CYP39A1: variants seen among roughly 807,000 people sequenced by gnomAD.
The protein encoded by CYP39A1 is cytochrome P450 family 39 subfamily A member 1.
In CYP39A1, 49 loss-of-function variants were observed where a neutral mutation model predicts 58.1. That is an observed-to-expected ratio of 0.84 (90% CI 0.67 to 1.07). CYP39A1 has a LOEUF of 1.07. CYP39A1 is among the 50% of genes least tolerant of loss of function. The probability of loss-of-function intolerance (pLI) is 0.00; values close to 1 mark genes in which losing one functional copy is unlikely to be tolerated. For missense variants in CYP39A1, 531 were observed against 539.4 expected, an observed-to-expected ratio of 0.98 and a Z score of 0.16; for synonymous variants, 209 against 187.6, an observed-to-expected ratio of 1.11 and a Z score of -0.93.
At chr6:46,582,715 C>T (rs1772206492) in intron 10 of CYP39A1, among the ~76,000 whole-genome samples, 1 of 151,438 alleles carries the variant, frequency 6.6e-6, no homozygotes, top group Admixed American at 6.6e-5. Flanking sequence ...GGCTATGTCT[C>T]ATTTCCCCAA....
intron 10 of CYP39A1, among the ~76,000 whole-genome samples, chr6:46,566,791 T>A (rs940290304): frequency 1.3e-5 from 2 of 151,760 alleles, no homozygotes; most frequent in African/African-American, 4.8e-5. Context: ...AAAATATAAA[T>A]AAATAAGAAT....
intron 10 of CYP39A1, among the ~76,000 whole-genome samples, chr6:46,561,231 A>G (rs1313784934): frequency 1.3e-5 from 2 of 152,098 alleles, no homozygotes; most frequent in African/African-American, 4.8e-5. Flanking sequence ...TCCTTGCTTT[A>G]TTCAAATAAA....
chr6:46,603,817 C>T (rs748998848), intron 7 of CYP39A1, among the ~76,000 whole-genome samples: 14 of 152,152 alleles, frequency 9.2e-5, no homozygotes, highest in Non-Finnish European at 1.6e-4. Context: ...AAAGTTTGCC[C>T]CTGCCTAGGG....
intron 7 of CYP39A1, among the ~76,000 whole-genome samples, chr6:46,607,163 G>A (rs975590218): frequency 6.6e-6 from 1 of 152,004 alleles, no homozygotes; most frequent in African/African-American, 2.4e-5. Flanking sequence ...GAAACACACG[G>A]CCACTGCCTT....
intron 5 of CYP39A1, among the ~76,000 whole-genome samples, chr6:46,635,542 G>GTGTT (rs368397169): frequency 0.012 from 1,766 of 152,162 alleles, 20 homozygotes; most frequent in African/African-American, 0.021. Context: ...TACCTCAGAG[G>GTGTT]TGTTTGTTTG....
At position 46,624,934 on chromosome 6, in the gene CYP39A1, TCTTTTTGTTTACTTG is replaced by T. The variant is rs530993005; in HGVS notation, c.931+469_931+483del. The stretch of plus-strand genomic sequence containing the variant: ...TAACAACCATAAGGGTTTTTTTATT[TCTTTTTGTTTACTTG>T]TTTTTTGTTTGTTGTCTTTTAATAA... On this transcript the variant is annotated intron_variant, in intron 7 of 11. Transcript: ENST00000275016. Among the ~76,000 whole-genome samples, 110 of 152,304 alleles carry T rather than the reference TCTTTTTGTTTACTTG, an allele frequency of 7.2e-4. 1 individual carries two copies. In the South Asian group the frequency reaches 0.022, roughly 30 times the overall value.
At chr6:46,635,417 C>T (rs1775923700) in intron 5 of CYP39A1, among the ~76,000 whole-genome samples, 1 of 152,162 alleles carries the variant, frequency 6.6e-6, no homozygotes, top group Non-Finnish European at 1.5e-5. Context: ...TGGGCAGACC[C>T]TGGCCTCAGA....
intron 7 of CYP39A1, among the ~76,000 whole-genome samples, chr6:46,613,420 A>G (rs1774333668): frequency 6.6e-6 from 1 of 152,216 alleles, no homozygotes; most frequent in African/African-American, 2.4e-5. Context: ...TAACTCTCTA[A>G]TCCAATGAAA....
At chr6:46,603,550 A>T (rs1284064238) in intron 7 of CYP39A1, among the ~76,000 whole-genome samples, 1 of 152,128 alleles carries the variant, frequency 6.6e-6, no homozygotes, top group Non-Finnish European at 1.5e-5. Flanking sequence ...TCCTCCTTTG[A>T]ACATGGAAGT....
rs1292049474 is a variant in CYP39A1, at chr6:46,587,168, G to A, written c.1162-3C>T. 7 of 1,598,058 alleles carry A rather than the reference G, an allele frequency of 4.4e-6. No individual in the cohort carries two copies. The South Asian group carries it at 5.6e-5, about 13-fold the overall frequency. On this transcript the variant is annotated splice_polypyrimidine_tract_variant and splice_region_variant and intron_variant, in intron 9 of 11. Coordinates refer to ENST00000275016, the MANE Select transcript of CYP39A1 (RefSeq NM_016593.5). The stretch of plus-strand genomic sequence containing the variant: ...AAATTTGCCTTTTTCCAACGTTCCT[G>A]TGGGAAGAAAACATTTTTTTTTCCA...
intron 8 of CYP39A1, among the ~76,000 whole-genome samples, chr6:46,593,380 C>T (rs910513713): frequency 1.3e-5 from 2 of 151,932 alleles, no homozygotes; most frequent in African/African-American, 2.4e-5. Context: ...ATAATCCTGA[C>T]TAATACATGA....
chr6:46,584,706 C>T (rs1000630829), intron 10 of CYP39A1, among the ~76,000 whole-genome samples: 6 of 152,094 alleles, frequency 3.9e-5, no homozygotes, highest in Non-Finnish European at 8.8e-5. Flanking sequence ...AATCTGGTCC[C>T]AGTAACAGTA....
Position 46,569,477 on chromosome 6 carries a change from A to T in CYP39A1, c.1251-15623T>A, listed in dbSNP as rs141480521. On this transcript the variant is annotated intron_variant, in intron 10 of 11. Transcript: ENST00000275016. ...TCATAGAGAAAAGTTTCTAATCTTT[A>T]ACCATTGAGTATGATGTTAGCTGTG... 6.5e-4 allele frequency among the ~76,000 whole-genome samples: 99 copies of T among 152,176 alleles called. 2 individuals are homozygous for T. The East Asian group carries it at 0.014, about 21-fold the overall frequency.
At chr6:46,577,889 A>C (rs1771923965) in intron 10 of CYP39A1, among the ~76,000 whole-genome samples, 1 of 152,160 alleles carries the variant, frequency 6.6e-6, no homozygotes, top group Non-Finnish European at 1.5e-5. Context: ...AAAATCTAAC[A>C]AATATATTCA....
chr6:46,640,042 T>G (rs768712727), intron 2 of CYP39A1, among the ~76,000 whole-genome samples: 19 of 151,898 alleles, frequency 1.3e-4, no homozygotes, highest in Non-Finnish European at 5.9e-5. Flanking sequence ...AACCCAGGAG[T>G]TGGAGTCGCA....
At chr6:46,641,134 TC>T (rs957252470) in intron 2 of CYP39A1, among the ~76,000 whole-genome samples, 10 of 151,784 alleles carry the variant, frequency 6.6e-5, no homozygotes, top group African/African-American at 2.4e-4. Context: ...AACATGAAAG[TC>T]CCCAGAGGAG....
chr6:46,553,875 TG>T (rs1198590801), intron 10 of CYP39A1, 21 bp from the exon 11 acceptor site: 1 of 1,464,240 alleles, frequency 6.8e-7, no homozygotes, highest in Non-Finnish European at 9.4e-7. Context: ...CGAATAAAAT[TG>T]TTACTTGATT....
At position 46,589,769 on chromosome 6, in the gene CYP39A1, TG is replaced by T. The variant is rs538793928; in HGVS notation, c.1066-1641del. ...CTCTGGAATCAGCCACAGAGGGCCGTGATGTGTATTTGAGAGCAGGGTTGGG... is the reference window on the plus strand; with the variant it reads ...CTCTGGAATCAGCCACAGAGGGCCGTATGTGTATTTGAGAGCAGGGTTGGG... On this transcript the variant is annotated intron_variant, in intron 8 of 11. Transcript: ENST00000275016. 3.1e-3 allele frequency among the ~76,000 whole-genome samples: 470 copies of T among 152,098 alleles called. 2 individuals carry two copies. Among genetic ancestry groups the T allele is most frequent in the African/African-American group, 0.011 (444 of 41,494 alleles).
intron 2 of CYP39A1, 54 bp downstream of exon 2, chr6:46,642,109 A>G: frequency 6.3e-7 from 1 of 1,588,102 alleles, no homozygotes; most frequent in East Asian, 2.2e-5. Flanking sequence ...ACCTAAAACT[A>G]CTCCTGGATT....
Sources: allele counts gnomAD v4.1 joint callset (sites outside exome capture counted in the v4.1 genomes callset), GRCh38; gene constraint gnomAD v4.1.1; transcripts MANE v1.5; gene names NCBI Gene and HGNC (gene_info 2026-07-23, HGNC 2026-07-21).